Variants in CUBN observed in about 807,000 individuals in gnomAD.
CUBN encodes the protein 460 kDa receptor.
CUBN carries 282 observed loss-of-function variants against 405.3 expected under a neutral mutation model. The ratio of observed to expected loss-of-function variants is 0.70; its 90% CI spans 0.63 to 0.77. The LOEUF is 0.77. CUBN is among the 30% of genes least tolerant of loss of function. CUBN has a pLI of 0.00. For missense variants in CUBN, 4,514 were observed against 4,475.2 expected (o/e 1.01, Z -0.25); for synonymous variants, 1,684 against 1,617.0 (o/e 1.04, Z -0.99).
At chr10:16,947,177 A>G in intron 36 of CUBN, 58 bp downstream of exon 36, 1 of 1,582,308 alleles carries the variant, frequency 6.3e-7, no homozygotes, top group Non-Finnish European at 8.7e-7. Flanking sequence ...TTAGCACCAG[A>G]ACTTCTTTCC....
intron 31 of CUBN, among the ~76,000 whole-genome samples, chr10:16,975,567 G>A (rs4293023): frequency 0.35 from 52,361 of 151,184 alleles, 9,570 homozygotes; most frequent in African/African-American, 0.46. Flanking sequence ...TACCCACCAT[G>A]GTCAAAACTA....
intron 28 of CUBN, among the ~76,000 whole-genome samples, chr10:16,994,889 A>T (rs1232125657): frequency 1.3e-5 from 2 of 152,238 alleles, no homozygotes; most frequent in African/African-American, 4.8e-5. Flanking sequence ...CATGAGTTCG[A>T]GACCAGCCTG....
At chr10:16,876,806 A>G in intron 57 of CUBN, 91 bp downstream of exon 57, 1 of 1,091,062 alleles carries the variant, frequency 9.2e-7, no homozygotes, top group Non-Finnish European at 1.4e-6. Context: ...TGAATCTTCA[A>G]GTTAGTGCTG....
chr10:16,843,112 T>C (rs1416040034), intron 60 of CUBN, among the ~76,000 whole-genome samples: 2 of 152,232 alleles, frequency 1.3e-5, no homozygotes, highest in African/African-American at 2.4e-5. Flanking sequence ...AAGTCCCACG[T>C]GTGGGGAGAC....
Position 16,889,938 on chromosome 10 carries a change from A to AAAAAAAAAAAAAAAAAAAAACAAAC in CUBN, c.8755+432_8755+433insGTTTGTTTTTTTTTTTTTTTTTTTT, listed in dbSNP as rs1554788545. ...GCGACAGAGTGAGACGCCGTGTCAA[A>AAAAAAAAAAAAAAAAAAAAACAAAC]AAAAAAAAAAAAAAACAGGAAAGAC... is the stretch of plus-strand genomic sequence containing the variant. On this transcript the variant is annotated intron_variant, in intron 55 of 66. Transcript: ENST00000377833. 2.1e-4 allele frequency among the ~76,000 whole-genome samples: 27 copies of AAAAAAAAAAAAAAAAAAAAACAAAC among 129,520 alleles called. 1 individual carries two copies. The highest frequency in any genetic ancestry group is 6.1e-4 in the African/African-American group (20 of 32,588). The allele number at this position is 129,520 out of a possible 152,430, so 85.0% of individuals were successfully genotyped here. A position where few individuals can be genotyped will look rare whatever the true frequency, so the allele number is the denominator to read the frequency against.
At chr10:16,936,937 G>T (rs549893166) in intron 39 of CUBN, among the ~76,000 whole-genome samples, 1 of 152,076 alleles carries the variant, frequency 6.6e-6, no homozygotes, top group Non-Finnish European at 1.5e-5. Context: ...GGCTAGTCTC[G>T]AACTCCCGAC....
intron 22 of CUBN, among the ~76,000 whole-genome samples, chr10:17,055,655 A>T (rs1262560827): frequency 6.6e-6 from 1 of 152,106 alleles, no homozygotes; most frequent in East Asian, 1.9e-4. Flanking sequence ...AAAATAGCAT[A>T]TATAATATGG....
chr10:17,114,596 C>T (rs957614147), intron 7 of CUBN, among the ~76,000 whole-genome samples: 1 of 152,204 alleles, frequency 6.6e-6, no homozygotes, highest in South Asian at 2.1e-4. Flanking sequence ...TCAACCCTTC[C>T]ATCCCCATCA....
intron 27 of CUBN, among the ~76,000 whole-genome samples, chr10:17,023,925 G>A (rs1419846872): frequency 6.6e-6 from 1 of 152,028 alleles, no homozygotes; most frequent in East Asian, 1.9e-4. Context: ...GAAATCTTTT[G>A]TTATTCTCTT....
At chr10:17,040,897 A>G (rs1391084957) in intron 27 of CUBN, 136 bp downstream of exon 27, 5 of 758,192 alleles carry the variant, frequency 6.6e-6, no homozygotes, top group Non-Finnish European at 1.2e-5. Flanking sequence ...CTGTTCAAAT[A>G]CCATGGGTGG....
chr10:17,030,494 T>C (rs1004496275), intron 27 of CUBN, among the ~76,000 whole-genome samples: 1 of 152,226 alleles, frequency 6.6e-6, no homozygotes, highest in Non-Finnish European at 1.5e-5. Context: ...ATGCAGGTAG[T>C]ATTGTTATCT....
At chr10:17,099,305 TAAAAC>T (rs1017451086) in intron 14 of CUBN, among the ~76,000 whole-genome samples, 4 of 152,070 alleles carry the variant, frequency 2.6e-5, no homozygotes, top group Admixed American at 2.6e-4. Context: ...ATAGAATAAT[TAAAAC>T]AAAATAATAA....
At position 16,939,109 on chromosome 10, in the gene CUBN, C is replaced by T; in HGVS notation, c.5587G>A (p.Val1863Ile). 6.2e-7 allele frequency: 1 copy of T among 1,613,960 alleles called. No homozygotes were observed. Among genetic ancestry groups the T allele is most frequent in the East Asian group, 2.2e-5 (1 of 44,856 alleles). Reference sequence around the variant, plus strand: ...TTTTCAGGCCAGAAAGGAGAGGCGACTTTCCCATGAGTTCCCACAATATTA... The same window carrying T: ...TTTTCAGGCCAGAAAGGAGAGGCGATTTTCCCATGAGTTCCCACAATATTA... ...NDNIVGTHGK[V>I]ASPFWPENYP... is the part of the protein sequence containing the mutation. The change falls in exon 38 of 67, where the codon GTC becomes ATC. Residue 1863 changes from valine to isoleucine, a missense_variant. Physicochemically the swap from Val to Ile is conservative, Grantham distance 29 (BLOSUM62 3). Coordinates refer to ENST00000377833, the MANE Select transcript of CUBN (RefSeq NM_001081.4).
chr10:17,129,052 T>C (rs1015004072), intron 2 of CUBN, 69 bp downstream of exon 2: 9 of 1,256,340 alleles, frequency 7.2e-6, no homozygotes, highest in Non-Finnish European at 1.0e-5. Flanking sequence ...CAGATTAATC[T>C]AGACTTGTTC....
intron 31 of CUBN, among the ~76,000 whole-genome samples, chr10:16,955,280 G>A (rs956848876): frequency 1.3e-5 from 2 of 149,082 alleles, no homozygotes; most frequent in African/African-American, 4.9e-5. Context: ...GGCTGAGGCA[G>A]GAGAATTGCT....
intron 28 of CUBN, among the ~76,000 whole-genome samples, chr10:16,996,776 A>G (rs1005554489): frequency 2.0e-5 from 3 of 152,230 alleles, no homozygotes; most frequent in Non-Finnish European, 4.4e-5. Context: ...ACTATATGCC[A>G]TAAACTGATG....
intron 59 of CUBN, among the ~76,000 whole-genome samples, chr10:16,864,665 T>C (rs536522615): frequency 8.5e-5 from 12 of 141,506 alleles, no homozygotes; most frequent in Non-Finnish European, 1.8e-4. Context: ...TTCTTTTTTT[T>C]TTTTTTTTTT....
rs373342754 is a variant in CUBN, at chr10:16,852,249, C to T, written c.9455-806G>A. On this transcript the variant is annotated intron_variant, in intron 59 of 66. Coordinates refer to ENST00000377833, the MANE Select transcript of CUBN (RefSeq NM_001081.4). ...CCTCCCTCCATCTTTCCATCCCTCC[C>T]TCTATCTTTCCCTCCCTCCCTCCAT... Among the ~76,000 whole-genome samples the T allele has an allele frequency of 8.8e-5, 12 of 136,710 alleles. No homozygotes were observed. The East Asian group carries it at 2.9e-3, about 33-fold the overall frequency. The allele number at this position is 136,710 out of a possible 152,430, so 89.7% of individuals were successfully genotyped here.
intron 22 of CUBN, among the ~76,000 whole-genome samples, chr10:17,064,325 T>C (rs1371987244): frequency 6.6e-6 from 1 of 152,098 alleles, no homozygotes; most frequent in African/African-American, 2.4e-5. Context: ...GAAGGAGAAA[T>C]AAATGGGAAA....
Sources: allele counts gnomAD v4.1 joint callset (sites outside exome capture counted in the v4.1 genomes callset), GRCh38; gene constraint gnomAD v4.1.1; transcripts MANE v1.5; gene names NCBI Gene and HGNC (gene_info 2026-07-23, HGNC 2026-07-21).